Variants in ASB5 observed in about 807,000 individuals in gnomAD.
The protein encoded by ASB5 is ankyrin repeat and SOCS box containing 5.
In ASB5, 45 loss-of-function variants were observed where a neutral mutation model predicts 42.1. That is an observed-to-expected ratio of 1.07 (90% CI 0.84 to 1.37). The LOEUF (loss-of-function observed/expected upper bound fraction) is 1.37. ASB5 is among the 40% of genes most tolerant of loss of function. The probability of loss-of-function intolerance (pLI) is 0.00; values close to 1 mark genes in which losing one functional copy is unlikely to be tolerated. For synonymous variants in ASB5, 147 were observed against 150.6 expected, an observed-to-expected ratio of 0.98 and a Z score of 0.18; for missense variants, 402 against 399.8, an observed-to-expected ratio of 1.01 and a Z score of -0.05.
At chr4:176,224,533 C>G (rs530253725) in intron 2 of ASB5, among the ~76,000 whole-genome samples, 4 of 66,624 alleles carry the variant, frequency 6.0e-5, no homozygotes, top group African/African-American at 2.7e-4. Flanking sequence ...CTGTGCCCAG[C>G]TATTTTTTTT....
upstream of ASB5, among the ~76,000 whole-genome samples, chr4:176,273,184 A>T (rs1019457684): frequency 1.3e-5 from 2 of 152,116 alleles, no homozygotes; most frequent in African/African-American, 4.8e-5. Flanking sequence ...ATTCCAAAAA[A>T]CAAAACCACA....
At chr4:176,263,134 G>A (rs1278663742) in intron 1 of ASB5, among the ~76,000 whole-genome samples, 1 of 152,056 alleles carries the variant, frequency 6.6e-6, no homozygotes, top group Admixed American at 6.6e-5. Context: ...TCTGGTTGTT[G>A]AAAAGCACAC....
At position 176,215,605 on chromosome 4, in the gene ASB5, GA is replaced by G; in HGVS notation, c.984del (p.Arg329AspfsTer6). On this transcript the variant is annotated frameshift_variant, in exon 7 of 7. Coordinates refer to ENST00000296525, the MANE Select transcript of ASB5 (RefSeq NM_080874.4). LOFTEE classifies it high-confidence loss of function. ...TTTAGAATTACTTTACTGTTTTATC[GA>G]TACTGTAAGAAATTCTTCAGTAACG... ...LPTLLKNFLQ[Y>X]R The G allele has an allele frequency of 6.2e-7, 1 of 1,610,392 alleles. No homozygotes were observed. The highest frequency in any genetic ancestry group is 8.5e-7 in the Non-Finnish European group (1 of 1,178,126).
intron 1 of ASB5, among the ~76,000 whole-genome samples, chr4:176,251,964 G>A (rs1262133955): frequency 6.6e-6 from 1 of 150,470 alleles, no homozygotes; most frequent in Non-Finnish European, 1.5e-5. Flanking sequence ...TACTCAGGAG[G>A]TTGAGGCAGG....
chr4:176,238,049 C>G (rs1409558090), intron 1 of ASB5, among the ~76,000 whole-genome samples: 1 of 152,024 alleles, frequency 6.6e-6, no homozygotes, highest in Admixed American at 6.6e-5. Flanking sequence ...TGGTGAAACC[C>G]CGTCTTTACT....
chr4:176,273,018 C>T (rs1459932287), upstream of ASB5, among the ~76,000 whole-genome samples: 4 of 143,804 alleles, frequency 2.8e-5, no homozygotes, highest in African/African-American at 1.0e-4. Context: ...GTCATGATGA[C>T]AGCTCACTGC....
chr4:176,218,274 T>C (rs868391608), intron 5 of ASB5, among the ~76,000 whole-genome samples: 66 of 84,952 alleles, frequency 7.8e-4, no homozygotes, highest in African/African-American at 1.4e-3. Context: ...TTGTATGATA[T>C]ATAAATATAT....
intron 1 of ASB5, among the ~76,000 whole-genome samples, chr4:176,234,424 G>A (rs1289700331): frequency 6.6e-6 from 1 of 152,118 alleles, no homozygotes; most frequent in African/African-American, 2.4e-5. Flanking sequence ...AGTGCTCTCT[G>A]AAATATCACC....
At chr4:176,240,394 A>T (rs1051779266) in intron 1 of ASB5, among the ~76,000 whole-genome samples, 4 of 152,202 alleles carry the variant, frequency 2.6e-5, no homozygotes, top group Admixed American at 6.5e-5. Flanking sequence ...ACCAGTGCTA[A>T]TGTCCCTGAA....
intron 1 of ASB5, among the ~76,000 whole-genome samples, chr4:176,240,850 A>G (rs936257436): frequency 6.6e-6 from 1 of 152,210 alleles, no homozygotes; most frequent in Non-Finnish European, 1.5e-5. Context: ...TTGGGGACTT[A>G]AAAGTAATTG....
At chr4:176,249,795 G>C (rs1289348149) in intron 1 of ASB5, among the ~76,000 whole-genome samples, 4 of 152,136 alleles carry the variant, frequency 2.6e-5, no homozygotes, top group Non-Finnish European at 4.4e-5. Flanking sequence ...GCCGGGCGCG[G>C]TGGCTCACGC....
intron 1 of ASB5, among the ~76,000 whole-genome samples, chr4:176,237,998 G>A (rs1025915534): frequency 5.3e-5 from 8 of 152,216 alleles, no homozygotes; most frequent in African/African-American, 1.9e-4. Flanking sequence ...GAGGCAGGCA[G>A]ATCACCTGAG....
Position 176,216,903 on chromosome 4 carries a change from G to C in ASB5, c.777C>G (p.Ile259Met), listed in dbSNP as rs140485541. 6.2e-7 allele frequency: 1 copy of C among 1,614,012 alleles called. No individual in the cohort carries two copies. The highest frequency in any genetic ancestry group is 8.5e-7 in the Non-Finnish European group (1 of 1,179,972). Residue 259 changes from isoleucine to methionine, a missense_variant, in exon 6 of 7, where the codon ATC (isoleucine) becomes ATG (methionine). Physicochemically the swap from Ile to Met is conservative, Grantham distance 10 (BLOSUM62 1). Transcript: ENST00000296525. ...VNLLLEFGAD[I>M]NAKNTELLRP... is the part of the protein sequence containing the mutation. ...GCAGAAGCTCTGTATTTTTGGCATT[G>C]ATATCTGCTCCAAATTCTAGCAGTA...
At chr4:176,224,818 C>T (rs1753330837) in intron 2 of ASB5, among the ~76,000 whole-genome samples, 1 of 152,162 alleles carries the variant, frequency 6.6e-6, no homozygotes, top group African/African-American at 2.4e-5. Flanking sequence ...TGTCCTGTAG[C>T]TTTGTTAGGC....
intron 2 of ASB5, among the ~76,000 whole-genome samples, chr4:176,224,862 G>A (rs1180191021): frequency 2.6e-5 from 4 of 152,282 alleles, no homozygotes; most frequent in South Asian, 2.1e-4. Flanking sequence ...TCACCACAAT[G>A]TTAAAAAAGA....
chr4:176,261,072 C>G (rs966457435), intron 1 of ASB5, among the ~76,000 whole-genome samples: 11 of 152,066 alleles, frequency 7.2e-5, no homozygotes, highest in African/African-American at 2.7e-4. Context: ...AGAGGTGTTC[C>G]AAATACTTCA....
chr4:176,225,288 G>C lies in ASB5; in HGVS notation c.250C>G (p.Leu84Val). ...TGTGATAATAATGTTCTCAGAGCAA[G>C]AAGGCGACCTTGACTTGCTGCTTCA... The part of the protein sequence containing the change: ...LHEAASQGRL[L>V]ALRTLLSQGY... Residue 84 changes from leucine (L) to valine (V), a missense_variant, in exon 2 of 7, where the codon CTT becomes GTT. Transcript: ENST00000296525. The C allele has an allele frequency of 3.7e-6, 6 of 1,613,984 alleles. No individual in the cohort carries two copies. Among genetic ancestry groups the C allele is most frequent in the Non-Finnish European group, 4.2e-6 (5 of 1,179,870 alleles).
At chr4:176,251,175 T>G in intron 1 of ASB5, among the ~76,000 whole-genome samples, 1 of 151,532 alleles carries the variant, frequency 6.6e-6, no homozygotes, top group Non-Finnish European at 1.5e-5. Context: ...CTTAACCATG[T>G]GCTCATGGGA....
At chr4:176,273,805 T>C (rs148298197), upstream of ASB5, among the ~76,000 whole-genome samples, 398 of 152,362 alleles carry the variant, frequency 2.6e-3, 3 homozygotes, top group African/African-American at 9.1e-3. Context: ...GTTCTGCATA[T>C]ATAAGAGTTT....
Sources: allele counts gnomAD v4.1 joint callset (sites outside exome capture counted in the v4.1 genomes callset), GRCh38; gene constraint gnomAD v4.1.1; transcripts MANE v1.5; gene names NCBI Gene and HGNC (gene_info 2026-07-23, HGNC 2026-07-21).